The following LRRFIP1 variants were observed in gnomAD, a reference collection of about 807,000 sequenced individuals.
LRRFIP1 encodes LRR binding FLII interacting protein 1.
In LRRFIP1, 62 loss-of-function variants were observed where a neutral mutation model predicts 104.4. The ratio of observed to expected loss-of-function variants is 0.59; its 90% CI spans 0.48 to 0.73. The LOEUF (loss-of-function observed/expected upper bound fraction) is 0.73. Ranked by LOEUF, LRRFIP1 falls within the 30% of genes least tolerant of loss-of-function variation. The probability of loss-of-function intolerance (pLI) is 0.00; values close to 1 mark genes in which losing one functional copy is unlikely to be tolerated. For synonymous variants in LRRFIP1, 300 were observed against 299.0 expected, an observed-to-expected ratio of 1.00 and a Z score of -0.03; for missense variants, 796 against 824.5, an observed-to-expected ratio of 0.97 and a Z score of 0.42.
intron 1 of LRRFIP1, among the ~76,000 whole-genome samples, chr2:237,673,470 C>T (rs1575361358): frequency 6.6e-6 from 1 of 152,236 alleles, no homozygotes; most frequent in South Asian, 2.1e-4. Context: ...TCTGGGTTTC[C>T]TGTCTGTACA....
chr2:237,698,167 G>A (rs2093313122), intron 1 of LRRFIP1, among the ~76,000 whole-genome samples: 1 of 152,222 alleles, frequency 6.6e-6, no homozygotes, highest in Non-Finnish European at 1.5e-5. Flanking sequence ...AGCAAAGCCT[G>A]GAGATTTCCA....
intron 1 of LRRFIP1, among the ~76,000 whole-genome samples, chr2:237,667,513 A>G (rs1219499177): frequency 2.0e-5 from 3 of 152,218 alleles, no homozygotes; most frequent in Non-Finnish European, 4.4e-5. Flanking sequence ...GCTGCAGTAA[A>G]CATACGTGTG....
At chr2:237,730,823 C>T (rs541917477) in intron 8 of LRRFIP1, among the ~76,000 whole-genome samples, 4 of 152,300 alleles carry the variant, frequency 2.6e-5, no homozygotes, top group Admixed American at 2.6e-4. Flanking sequence ...GGGGCTGAGG[C>T]AGGAGAATCG....
intron 1 of LRRFIP1, among the ~76,000 whole-genome samples, chr2:237,631,033 G>T (rs544951356): frequency 1.3e-5 from 2 of 152,238 alleles, no homozygotes; most frequent in Admixed American, 1.3e-4. Flanking sequence ...TGTGGCAAAG[G>T]GGGGTGGGTC....
At chr2:237,716,788 A>T (rs2094347407) in intron 3 of LRRFIP1, among the ~76,000 whole-genome samples, 1 of 152,244 alleles carries the variant, frequency 6.6e-6, no homozygotes. Context: ...ATTTGGGCCC[A>T]TGACCTGGCT....
At chr2:237,640,323 A>G (rs556334070) in intron 1 of LRRFIP1, among the ~76,000 whole-genome samples, 2 of 151,964 alleles carry the variant, frequency 1.3e-5, no homozygotes, top group South Asian at 4.1e-4. Context: ...CTATAACAAG[A>G]TACCACAGAC....
In LRRFIP1 at chr2:237,717,687, A is replaced by G. The variant is rs1345768051; in HGVS notation, c.202-75A>G. The G allele has an allele frequency of 2.4e-5, 27 of 1,129,588 alleles. No individual in the cohort carries two copies. Among genetic ancestry groups the G allele is most frequent in the Non-Finnish European group, 3.5e-5 (26 of 737,896 alleles). The allele number at this position is 1,129,588 out of a possible 1,614,324, so 70.0% of individuals were successfully genotyped here. A position where few individuals can be genotyped will look rare whatever the true frequency, so the allele number is the denominator to read the frequency against. ...GGATGGCGGTTTGGAAATGCATGTC[A>G]GAACAGTGCCTTAGACAACTGCCTT... On this transcript the variant is annotated intron_variant, in intron 3 of 23. Transcript: ENST00000308482. The surrounding 1 kb of genome is among the most constrained non-coding windows in gnomAD (Gnocchi z 4.2).
At chr2:237,696,372 T>C (rs1175469666) in intron 1 of LRRFIP1, among the ~76,000 whole-genome samples, 1 of 152,184 alleles carries the variant, frequency 6.6e-6, no homozygotes, top group African/African-American at 2.4e-5. Context: ...TTCCCCAGTT[T>C]TTCCTGCTTC....
intron 11 of LRRFIP1, among the ~76,000 whole-genome samples, chr2:237,746,497 GC>G (rs1385229198): frequency 6.6e-6 from 1 of 152,162 alleles, no homozygotes; most frequent in Non-Finnish European, 1.5e-5. Context: ...ATGAGATGGT[GC>G]CCATCTGATC....
chr2:237,708,495 G>A, intron 1 of LRRFIP1, 49 bp from the exon 2 acceptor site: 1 of 1,407,372 alleles, frequency 7.1e-7, no homozygotes. Flanking sequence ...CCTGTACTGG[G>A]AAGGTGCCCG....
rs532059465 is a variant in LRRFIP1 at position 237,691,892 on chromosome 2, C to G, written c.97-16652C>G. ...GCGGGGCAGGACCAGGAAGATCCTT[C>G]CGAGACGGAGCGCGGGGGGCGGGGC... On this transcript the variant is annotated intron_variant, in intron 1 of 23. Coordinates refer to ENST00000308482, the MANE Select transcript of LRRFIP1 (RefSeq NM_001137550.2). This position sits in a 1 kb window ranked among gnomAD's most constrained non-coding sequence, Gnocchi z 5.4. 1.3e-5 allele frequency among the ~76,000 whole-genome samples: 2 copies of G among 151,082 alleles called. No homozygotes were observed. Among genetic ancestry groups the G allele is most frequent in the Admixed American group, 6.6e-5 (1 of 15,234 alleles).
chr2:237,729,521 G>T (rs930201522), intron 8 of LRRFIP1, among the ~76,000 whole-genome samples: 1 of 152,224 alleles, frequency 6.6e-6, no homozygotes, highest in Non-Finnish European at 1.5e-5. Context: ...ATGAGATTGT[G>T]AAAAGCAGTA....
chr2:237,722,296 C>T (rs897122841), intron 6 of LRRFIP1, among the ~76,000 whole-genome samples: 2 of 152,106 alleles, frequency 1.3e-5, no homozygotes, highest in African/African-American at 4.8e-5. Flanking sequence ...CAGAGCCACA[C>T]CCTCCTGAAA....
At chr2:237,720,622 C>T (rs1316783505) in intron 5 of LRRFIP1, 150 bp from the exon 6 acceptor site, 3 of 640,214 alleles carry the variant, frequency 4.7e-6, no homozygotes, top group East Asian at 2.6e-5. Context: ...AGGACCTAGA[C>T]TGGTGTCCCC....
intron 10 of LRRFIP1, among the ~76,000 whole-genome samples, chr2:237,738,119 A>G (rs558285027): frequency 1.8e-4 from 27 of 151,848 alleles, no homozygotes; most frequent in African/African-American, 5.8e-4. Context: ...CTGAAGATCT[A>G]TATGAGATCA....
At chr2:237,719,285 T>C (rs2094454738) in intron 4 of LRRFIP1, among the ~76,000 whole-genome samples, 1 of 152,248 alleles carries the variant, frequency 6.6e-6, no homozygotes, top group Non-Finnish European at 1.5e-5. Flanking sequence ...ACACTGTTTT[T>C]ACAACAAAAA....
chr2:237,651,517 G>T (rs1312171211), intron 1 of LRRFIP1, among the ~76,000 whole-genome samples: 1 of 152,096 alleles, frequency 6.6e-6, no homozygotes, highest in East Asian at 1.9e-4. Context: ...CCTTCCATCT[G>T]GGAAGCTCCC....
At chr2:237,773,223 A>C (rs2060797714) in intron 22 of LRRFIP1, among the ~76,000 whole-genome samples, 1 of 152,210 alleles carries the variant, frequency 6.6e-6, no homozygotes, top group Non-Finnish European at 1.5e-5. Flanking sequence ...GAGTGTTTTA[A>C]AATTTTGTTC....
chr2:237,737,047 C>T (rs976622647), intron 10 of LRRFIP1, among the ~76,000 whole-genome samples: 9 of 152,206 alleles, frequency 5.9e-5, no homozygotes, highest in Non-Finnish European at 8.8e-5. Context: ...CCTCAGGGTC[C>T]AGGCTTCCCC....
Sources: gnomAD v4.1 joint callset for allele counts (sites outside exome capture counted in the v4.1 genomes callset) on GRCh38, gnomAD v4.1.1 for gene constraint, Gnocchi (gnomAD v3.1) non-coding constraint, MANE v1.5 for transcripts, NCBI Gene and HGNC (gene_info 2026-07-23, HGNC 2026-07-21) for gene names.